RBFOX1: variants seen among roughly 807,000 people sequenced by gnomAD.
The protein encoded by RBFOX1 is RNA binding fox-1 homolog 1, also known as RNA binding protein fox-1 homolog 1.
A neutral mutation model predicts 57.7 loss-of-function variants in RBFOX1; 8 were observed. The ratio of observed to expected loss-of-function variants is 0.14; its 90% CI spans 0.08 to 0.25. The LOEUF is 0.25. Ranked by LOEUF, RBFOX1 falls within the 10% of genes least tolerant of loss-of-function variation. The pLI is 1.00. For synonymous variants in RBFOX1, 326 were observed against 222.4 expected, an observed-to-expected ratio of 1.47 and a Z score of -4.15; for missense variants, 611 against 548.5, an observed-to-expected ratio of 1.11 and a Z score of -1.14.
At chr16:7,562,232 T>G (rs539906395) in intron 5 of RBFOX1, among the ~76,000 whole-genome samples, 2 of 152,148 alleles carry the variant, frequency 1.3e-5, no homozygotes, top group Non-Finnish European at 2.9e-5. Flanking sequence ...GCTTTTTATC[T>G]GGGGATTTAT....
chr16:7,022,293 T>G (rs748797627), intron 3 of RBFOX1, among the ~76,000 whole-genome samples: 7 of 151,254 alleles, frequency 4.6e-5, no homozygotes, highest in Non-Finnish European at 1.0e-4. Context: ...CATTAAGTGA[T>G]CCACCCACCT....
intron 3 of RBFOX1, among the ~76,000 whole-genome samples, chr16:5,647,848 GTTTTGT>G (rs148601666): frequency 0.011 from 1,603 of 151,844 alleles, 27 homozygotes; most frequent in African/African-American, 0.037. Context: ...CTTGTAGGCT[GTTTTGT>G]TTTTGTTTTT....
intron 2 of RBFOX1, among the ~76,000 whole-genome samples, chr16:6,605,790 G>T (rs992109532): frequency 7.9e-5 from 12 of 152,098 alleles, no homozygotes; most frequent in Admixed American, 5.2e-4. Context: ...AACAACACAC[G>T]GGAAACTATA....
intron 4 of RBFOX1, among the ~76,000 whole-genome samples, chr16:7,366,408 G>T (rs1455540072): frequency 6.6e-6 from 1 of 152,152 alleles, no homozygotes; most frequent in East Asian, 1.9e-4. Context: ...TGACATTTAT[G>T]GCTGAGCCGA....
At chr16:5,730,362 G>C (rs1161412332) in intron 3 of RBFOX1, among the ~76,000 whole-genome samples, 1 of 152,150 alleles carries the variant, frequency 6.6e-6, no homozygotes, top group Non-Finnish European at 1.5e-5. Context: ...GAGAGAATGA[G>C]CCTAGAGTGG....
intron 3 of RBFOX1, among the ~76,000 whole-genome samples, chr16:6,783,282 T>C (rs1023729820): frequency 1.6e-4 from 25 of 151,836 alleles, no homozygotes; most frequent in Non-Finnish European, 3.1e-4. Flanking sequence ...TAGTTGTTTT[T>C]TGTTGTTGTT....
At chr16:7,288,216 T>C (rs2095688817) in intron 4 of RBFOX1, among the ~76,000 whole-genome samples, 1 of 152,202 alleles carries the variant, frequency 6.6e-6, no homozygotes, top group South Asian at 2.1e-4. Context: ...TGTAATTCAA[T>C]TTAATTTCTG....
chr16:5,961,437 A>G lies in RBFOX1; in HGVS notation c.351+94102A>G, dbSNP rs373276012. On this transcript the variant is annotated intron_variant, in intron 4 of 19. Coordinates refer to the RBFOX1 transcript ENST00000641259. ...ATTCTTAACCCTTACTTCACACTAT[A>G]TTTGTTTGGCTTATTAGGTCTCCCT... Among the ~76,000 whole-genome samples, 50 of 152,030 alleles carry G rather than the reference A, an allele frequency of 3.3e-4. 1 individual carries two copies. In the South Asian group the frequency reaches 0.01, roughly 31 times the overall value.
chr16:6,966,001 A>C (rs1022877318), intron 3 of RBFOX1, among the ~76,000 whole-genome samples: 2 of 152,140 alleles, frequency 1.3e-5, no homozygotes, highest in South Asian at 2.1e-4. Flanking sequence ...AATGCTCAAA[A>C]TGGAGCGTAT....
chr16:5,878,898 T>C (rs571520749), intron 4 of RBFOX1, among the ~76,000 whole-genome samples: 1 of 152,332 alleles, frequency 6.6e-6, no homozygotes, highest in South Asian at 2.1e-4. Flanking sequence ...CCTGGCCTTG[T>C]CATTCTAATG....
chr16:7,128,867 C>G (rs890737660), intron 4 of RBFOX1, among the ~76,000 whole-genome samples: 4 of 141,520 alleles, frequency 2.8e-5, no homozygotes, highest in African/African-American at 1.1e-4. Context: ...TGTCGCCAGG[C>G]TGGAGTGCAG....
chr16:5,862,646 A>C (rs1276911684), intron 3 of RBFOX1, among the ~76,000 whole-genome samples: 2 of 152,170 alleles, frequency 1.3e-5, no homozygotes, highest in African/African-American at 2.4e-5. Context: ...ACTGCTTGCC[A>C]GGGAAGTAAT....
intron 4 of RBFOX1, among the ~76,000 whole-genome samples, chr16:7,342,546 C>G (rs1299479830): frequency 6.6e-6 from 1 of 152,098 alleles, no homozygotes; most frequent in East Asian, 1.9e-4. Context: ...ATTGAATGTT[C>G]ATTTTGATAA....
At chr16:7,228,750 G>T (rs141367814) in intron 4 of RBFOX1, among the ~76,000 whole-genome samples, 17 of 152,296 alleles carry the variant, frequency 1.1e-4, no homozygotes, top group African/African-American at 4.1e-4. Context: ...TGTGCAAGAG[G>T]TTAAGTGAAT....
At chr16:6,712,642 A>G (rs1421345129) in intron 3 of RBFOX1, among the ~76,000 whole-genome samples, 1 of 152,172 alleles carries the variant, frequency 6.6e-6, no homozygotes, top group African/African-American at 2.4e-5. Context: ...ATTAGGTCCT[A>G]TCATGGCGTA....
chr16:7,581,256 T>C (rs2093737231), intron 6 of RBFOX1, among the ~76,000 whole-genome samples: 1 of 152,210 alleles, frequency 6.6e-6, no homozygotes, highest in Non-Finnish European at 1.5e-5. Context: ...TTCCAACTCC[T>C]GCAGAACAGA....
chr16:5,866,432 C>G (rs17138773), intron 3 of RBFOX1, among the ~76,000 whole-genome samples: 2,186 of 152,258 alleles, frequency 0.014, 37 homozygotes, highest in African/African-American at 0.049. Flanking sequence ...TCCAAGTAGT[C>G]AGATAGGACA....
chr16:5,734,628 C>G (rs2052505780), intron 3 of RBFOX1, among the ~76,000 whole-genome samples: 1 of 152,126 alleles, frequency 6.6e-6, no homozygotes, highest in Admixed American at 6.5e-5. Context: ...AAGCTAGGTT[C>G]ACGAGACTGA....
intron 3 of RBFOX1, among the ~76,000 whole-genome samples, chr16:6,712,533 C>T (rs57869914): frequency 0.036 from 5,414 of 152,222 alleles, 323 homozygotes; most frequent in African/African-American, 0.12. Context: ...TCCAGTGACA[C>T]AGGGCATCAT....
Sources: allele counts gnomAD v4.1 joint callset (sites outside exome capture counted in the v4.1 genomes callset), GRCh38; gene constraint gnomAD v4.1.1; transcripts MANE v1.5; gene names NCBI Gene and HGNC (gene_info 2026-07-23, HGNC 2026-07-21).